RBFOX1: variants seen among roughly 807,000 people sequenced by gnomAD.
RBFOX1 encodes RNA binding protein fox-1 homolog 1.
A neutral mutation model predicts 57.7 loss-of-function variants in RBFOX1; 8 were observed. The observed-to-expected ratio is 0.14, with a 90% confidence interval of 0.08 to 0.25. The LOEUF (loss-of-function observed/expected upper bound fraction) is 0.25, where lower values mean the gene tolerates loss of function less well. Ranked by LOEUF, RBFOX1 falls within the 10% of genes least tolerant of loss-of-function variation. The probability of loss-of-function intolerance (pLI) is 1.00; values close to 1 mark genes in which losing one functional copy is unlikely to be tolerated. For synonymous variants in RBFOX1, 326 were observed against 222.4 expected, an observed-to-expected ratio of 1.47 and a Z score of -4.15; for missense variants, 611 against 548.5, an observed-to-expected ratio of 1.11 and a Z score of -1.14.
intron 2 of RBFOX1, among the ~76,000 whole-genome samples, chr16:6,439,562 G>A (rs1316864281): frequency 6.6e-6 from 1 of 152,150 alleles, no homozygotes; most frequent in Non-Finnish European, 1.5e-5. Context: ...TTTGGGTACA[G>A]GGAAGTGTTG....
intron 11 of RBFOX1, among the ~76,000 whole-genome samples, chr16:7,653,395 A>C (rs963138910): frequency 6.6e-6 from 1 of 152,124 alleles, no homozygotes; most frequent in Non-Finnish European, 1.5e-5. Context: ...GGTCCCAGCT[A>C]CTTGGGAGGC....
intron 11 of RBFOX1, among the ~76,000 whole-genome samples, chr16:7,642,704 G>C (rs1044405168): frequency 3.3e-5 from 5 of 151,454 alleles, no homozygotes; most frequent in Non-Finnish European, 5.9e-5. Context: ...TTTTTCCGTG[G>C]TTTCCCGGGA....
chr16:7,390,804 A>G (rs1597249618), intron 4 of RBFOX1, among the ~76,000 whole-genome samples: 1 of 152,192 alleles, frequency 6.6e-6, no homozygotes, highest in East Asian at 1.9e-4. Flanking sequence ...AAGAATATGA[A>G]TGTGCTTAAG....
intron 1 of RBFOX1, among the ~76,000 whole-genome samples, chr16:6,252,127 C>A (rs900863180): frequency 1.3e-5 from 2 of 152,090 alleles, no homozygotes; most frequent in Non-Finnish European, 1.5e-5. Flanking sequence ...GTCCAGTCCT[C>A]CACATGGGGA....
chr16:7,234,322 G>T (rs565053520), intron 4 of RBFOX1, among the ~76,000 whole-genome samples: 2 of 152,094 alleles, frequency 1.3e-5, no homozygotes, highest in Admixed American at 6.5e-5. Context: ...TTGGTGTTGT[G>T]TATAATACAG....
At chr16:6,011,272 C>G (rs772308639) in intron 4 of RBFOX1, among the ~76,000 whole-genome samples, 2 of 152,120 alleles carry the variant, frequency 1.3e-5, no homozygotes, top group Non-Finnish European at 2.9e-5. Flanking sequence ...CTTGATAAGT[C>G]TCATTTTTAA....
chr16:6,645,811 G>A (rs2098529623), intron 2 of RBFOX1, among the ~76,000 whole-genome samples: 1 of 152,124 alleles, frequency 6.6e-6, no homozygotes, highest in African/African-American at 2.4e-5. Context: ...GATATGCCTA[G>A]CCACAAACGA....
chr16:5,616,892 C>T (rs1210068189), intron 3 of RBFOX1, among the ~76,000 whole-genome samples: 1 of 149,936 alleles, frequency 6.7e-6, no homozygotes, highest in East Asian at 2.0e-4. Flanking sequence ...CTCCTTTCTC[C>T]CCTGCCTCTT....
At chr16:7,225,340 A>G (rs1391556433) in intron 4 of RBFOX1, among the ~76,000 whole-genome samples, 1 of 152,040 alleles carries the variant, frequency 6.6e-6, no homozygotes, top group Non-Finnish European at 1.5e-5. Flanking sequence ...TTTTCCCCAT[A>G]CTGTCCTCAT....
intron 4 of RBFOX1, among the ~76,000 whole-genome samples, chr16:7,449,872 G>A (rs1295146637): frequency 2.0e-5 from 3 of 152,070 alleles, no homozygotes; most frequent in Non-Finnish European, 2.9e-5. Context: ...TCTCAAATGC[G>A]AGGGGCTTGA....
At chr16:7,379,304 C>G (rs1046965295) in intron 4 of RBFOX1, among the ~76,000 whole-genome samples, 2 of 152,258 alleles carry the variant, frequency 1.3e-5, no homozygotes, top group Admixed American at 1.3e-4. Context: ...AAAAGAGTAT[C>G]TTATTTTTAG....
At chr16:7,341,424 G>C (rs534133296) in intron 4 of RBFOX1, among the ~76,000 whole-genome samples, 1 of 152,162 alleles carries the variant, frequency 6.6e-6, no homozygotes, top group Admixed American at 6.5e-5. Context: ...AGCTCTGGAG[G>C]TATTGGGATG....
At chr16:6,585,354 T>C (rs1342428426) in intron 2 of RBFOX1, among the ~76,000 whole-genome samples, 36 of 152,236 alleles carry the variant, frequency 2.4e-4, no homozygotes, top group Admixed American at 2.3e-3. Context: ...AGTGCTGTTA[T>C]AGTCTCCAAA....
At chr16:5,664,427 A>G (rs1393463219) in intron 3 of RBFOX1, among the ~76,000 whole-genome samples, 1 of 152,144 alleles carries the variant, frequency 6.6e-6, no homozygotes, top group Non-Finnish European at 1.5e-5. Flanking sequence ...GTGTGCCTGT[A>G]GAGCCAGCTA....
At chr16:6,877,024 T>C (rs2061969920) in intron 3 of RBFOX1, among the ~76,000 whole-genome samples, 1 of 152,204 alleles carries the variant, frequency 6.6e-6, no homozygotes, top group Middle Eastern at 3.2e-3. Flanking sequence ...TTTCTGCTAT[T>C]GTTTCTTATT....
chr16:6,578,009 C>T (rs1480078790), intron 2 of RBFOX1, among the ~76,000 whole-genome samples: 2 of 152,072 alleles, frequency 1.3e-5, no homozygotes, highest in East Asian at 1.9e-4. Context: ...AGGGTGTCAC[C>T]CAACAGTGCT....
intron 4 of RBFOX1, among the ~76,000 whole-genome samples, chr16:7,213,972 T>C (rs1314840431): frequency 6.6e-6 from 1 of 152,060 alleles, no homozygotes. Flanking sequence ...ACCGCAGAGC[T>C]CAGAATTAAT....
At chr16:6,401,271 A>C (rs1440752825) in intron 2 of RBFOX1, among the ~76,000 whole-genome samples, 1 of 152,226 alleles carries the variant, frequency 6.6e-6, no homozygotes, top group Non-Finnish European at 1.5e-5. Context: ...GAGTATCAAA[A>C]TGTAAATAAT....
rs1423883250 is a variant in RBFOX1, at chr16:6,455,036, C to A, written c.-64+137979C>A. Among the ~76,000 whole-genome samples, 5 of 142,364 alleles carry A rather than the reference C, an allele frequency of 3.5e-5. No individual in the cohort carries two copies. In the East Asian group the frequency reaches 1.1e-3, roughly 30 times the overall value. 93.4% of individuals were successfully genotyped at this position (142,364 alleles called of 152,430 possible). A position where few individuals can be genotyped will look rare whatever the true frequency, so the allele number is the denominator to read the frequency against. On this transcript the variant is annotated intron_variant, in intron 2 of 15. Coordinates refer to ENST00000550418, the MANE Select transcript of RBFOX1 (RefSeq NM_018723.4). The stretch of plus-strand genomic sequence containing the variant: ...TAGCTGGGACTATAGGCACCCACTA[C>A]CATGCCTGGCTAATTTTTTTTTTTT...
Sources: allele counts gnomAD v4.1 joint callset (sites outside exome capture counted in the v4.1 genomes callset), GRCh38; gene constraint gnomAD v4.1.1; transcripts MANE v1.5; gene names NCBI Gene and HGNC (gene_info 2026-07-23, HGNC 2026-07-21).